CLVS1: variants seen among roughly 807,000 people sequenced by gnomAD.
CLVS1 encodes the protein clavesin-1.
A neutral mutation model predicts 33.1 loss-of-function variants in CLVS1; 10 were observed. That is an observed-to-expected ratio of 0.30 (90% CI 0.19 to 0.51). CLVS1 has a LOEUF of 0.51. CLVS1 is among the 20% of genes least tolerant of loss of function. CLVS1 has a pLI of 0.97. For missense variants in CLVS1, 343 were observed against 433.4 expected (o/e 0.79, Z 1.85); for synonymous variants, 163 against 166.1 (o/e 0.98, Z 0.14).
chr8:61,221,811 T>A (rs941026278), intron 2 of CLVS1, among the ~76,000 whole-genome samples: 1 of 152,202 alleles, frequency 6.6e-6, no homozygotes, highest in African/African-American at 2.4e-5. Flanking sequence ...ATCCATCTAA[T>A]CCTGGGATTT....
intron 2 of CLVS1, among the ~76,000 whole-genome samples, chr8:61,355,568 C>G (rs1455315877): frequency 6.6e-6 from 1 of 152,088 alleles, no homozygotes; most frequent in South Asian, 2.1e-4. Context: ...TCCCCTCTTC[C>G]CCCACCCCAC....
At chr8:61,456,742 C>T (rs1395847309) in intron 4 of CLVS1, among the ~76,000 whole-genome samples, 1 of 151,754 alleles carries the variant, frequency 6.6e-6, no homozygotes, top group Non-Finnish European at 1.5e-5. Context: ...CGGTGAAACC[C>T]CGTCTGTACT....
intron 2 of CLVS1, among the ~76,000 whole-genome samples, chr8:61,143,744 A>G (rs1339847781): frequency 6.8e-6 from 1 of 146,002 alleles, no homozygotes; most frequent in African/African-American, 2.5e-5. Context: ...ATTTAAATTC[A>G]TATATATAAT....
At chr8:61,295,485 C>A (rs1167253194) in intron 1 of CLVS1, among the ~76,000 whole-genome samples, 2 of 152,174 alleles carry the variant, frequency 1.3e-5, no homozygotes, top group African/African-American at 4.8e-5. Flanking sequence ...AAGATGGCAA[C>A]TGGACATCTG....
chr8:61,373,564 T>G (rs956435894), intron 2 of CLVS1, among the ~76,000 whole-genome samples: 18 of 152,204 alleles, frequency 1.2e-4, no homozygotes, highest in African/African-American at 4.1e-4. Flanking sequence ...AGGAGTAAAA[T>G]GAGATAGAGA....
intron 1 of CLVS1, among the ~76,000 whole-genome samples, chr8:61,107,176 G>A (rs973512374): frequency 1.3e-5 from 2 of 152,180 alleles, no homozygotes; most frequent in East Asian, 1.9e-4. Flanking sequence ...ATTGGTTTGC[G>A]AATTAGAGAG....
intron 3 of CLVS1, among the ~76,000 whole-genome samples, chr8:61,427,393 G>A (rs527414735): frequency 3.3e-4 from 50 of 152,118 alleles, no homozygotes; most frequent in South Asian, 1.0e-3. Flanking sequence ...AGTCTGTGCC[G>A]CAAAATAAGC....
chr8:61,081,002 TGA>T (rs1233182401), intron 1 of CLVS1, among the ~76,000 whole-genome samples: 3 of 152,224 alleles, frequency 2.0e-5, no homozygotes, highest in Non-Finnish European at 4.4e-5. Context: ...AAGAAATGGC[TGA>T]GTGTTCAGAA....
At chr8:61,433,632 CTG>C (rs1176178892) in intron 3 of CLVS1, among the ~76,000 whole-genome samples, 1 of 152,092 alleles carries the variant, frequency 6.6e-6, no homozygotes, top group Admixed American at 6.6e-5. Flanking sequence ...GCGTCTGACT[CTG>C]TGGGCTTCGA....
At chr8:61,033,161 A>AAGAAAGAAAGAAAAAG in the CLVS1 span, among the ~76,000 whole-genome samples, 12,543 of 91,680 alleles carry the variant, frequency 0.14, 3,111 homozygotes, top group Middle Eastern at 0.15. Flanking sequence ...GAAAGAAAGA[A>AAGAAAGAAAGAAAAAG]AAAGAAAGAA....
intron 2 of CLVS1, among the ~76,000 whole-genome samples, chr8:61,217,689 C>T (rs1029653585): frequency 6.6e-6 from 1 of 152,066 alleles, no homozygotes. Flanking sequence ...TTCTGCACAG[C>T]AAAAGGAAAC....
At chr8:61,494,980 C>G (rs959330955) in intron 5 of CLVS1, among the ~76,000 whole-genome samples, 1 of 152,162 alleles carries the variant, frequency 6.6e-6, no homozygotes, top group Non-Finnish European at 1.5e-5. Flanking sequence ...CTCGGCCTCA[C>G]TATCTCAGAG....
At chr8:61,090,963 T>G (rs1805233504) in intron 1 of CLVS1, 2 of 506,818 alleles carry the variant, frequency 3.9e-6, no homozygotes, top group East Asian at 1.1e-4. Flanking sequence ...GAGGGTAGAC[T>G]GTGGTAGACT....
At chr8:61,267,402 A>T (rs1295628317) in intron 2 of CLVS1, among the ~76,000 whole-genome samples, 1 of 152,232 alleles carries the variant, frequency 6.6e-6, no homozygotes, top group Non-Finnish European at 1.5e-5. Flanking sequence ...ATAGAATAAA[A>T]TAAGCCATAA....
chr8:61,125,885 T>C (rs1475425364), intron 1 of CLVS1, among the ~76,000 whole-genome samples: 1 of 152,246 alleles, frequency 6.6e-6, no homozygotes, highest in Non-Finnish European at 1.5e-5. Flanking sequence ...ATAAATGCTC[T>C]TAATTCATAT....
intron 2 of CLVS1, among the ~76,000 whole-genome samples, chr8:61,367,077 G>A (rs1257429023): frequency 1.3e-5 from 2 of 151,808 alleles, no homozygotes; most frequent in East Asian, 1.9e-4. Context: ...ATCCTTCATG[G>A]TTCCTCCCAC....
At chr8:60,980,602 A>G in the CLVS1 span, among the ~76,000 whole-genome samples, 3 of 152,208 alleles carry the variant, frequency 2.0e-5, no homozygotes, top group South Asian at 2.1e-4. Context: ...CTTGGCCAAC[A>G]TGGTGAAACC....
intron 2 of CLVS1, among the ~76,000 whole-genome samples, chr8:61,343,801 G>A (rs1812108245): frequency 6.6e-6 from 1 of 152,016 alleles, no homozygotes; most frequent in Non-Finnish European, 1.5e-5. Flanking sequence ...ATATGTTTGA[G>A]GAAATATCAA....
chr8:61,049,338 C>A, the CLVS1 span, among the ~76,000 whole-genome samples: 3 of 152,188 alleles, frequency 2.0e-5, no homozygotes, highest in East Asian at 5.8e-4. Flanking sequence ...CTGACCAAAT[C>A]ATTTTTTTCT....
Sources: allele counts gnomAD v4.1 joint callset (sites outside exome capture counted in the v4.1 genomes callset), GRCh38; gene constraint gnomAD v4.1.1; transcripts MANE v1.5; gene names NCBI Gene and HGNC (gene_info 2026-07-23, HGNC 2026-07-21).